Variants in NMT2 observed in about 807,000 individuals in gnomAD.
NMT2 encodes the protein N-myristoyltransferase 2, also known as glycylpeptide N-tetradecanoyltransferase 2.
Under a neutral mutation model 65.4 loss-of-function variants are expected in NMT2, and 35 were observed. That is an observed-to-expected ratio of 0.54 (90% confidence interval 0.41 to 0.71). The LOEUF (loss-of-function observed/expected upper bound fraction) is 0.71. Ranked by LOEUF, NMT2 falls within the 30% of genes least tolerant of loss-of-function variation. The pLI is 0.00. For missense variants in NMT2, 489 were observed against 611.3 expected (o/e 0.80, Z 2.11); for synonymous variants, 226 against 231.8 (o/e 0.98, Z 0.23).
rs1845406960 is a variant in NMT2 at position 15,108,795 on chromosome 10, C to T, written c.*400G>A. 3.9e-6 allele frequency: 4 copies of T among 1,037,786 alleles called. No individual in the cohort carries two copies. Among genetic ancestry groups the T allele is most frequent in the Admixed American group, 6.0e-5 (1 of 16,754 alleles). 64.3% of individuals were successfully genotyped at this position (1,037,786 alleles called of 1,614,324 possible). On this transcript the variant is annotated 3_prime_UTR_variant, in exon 12 of 12. Transcript: ENST00000378165. The stretch of plus-strand genomic sequence containing the variant: ...TGTTACATGGACAAATGTACCATCA[C>T]TTAAGAAACAGAAATGCAGCAATTT...
chr10:15,140,910 C>A (rs531980277), intron 2 of NMT2: 1 of 1,323,688 alleles, frequency 7.6e-7, no homozygotes, highest in South Asian at 1.3e-5. Context: ...ATGTCAGGAA[C>A]TATTTCCCAC....
chr10:15,112,917 G>A lies in NMT2; in HGVS notation c.1217C>T (p.Pro406Leu). The A allele has an allele frequency of 6.2e-7, 1 of 1,614,096 alleles. No individual in the cohort carries two copies. The highest frequency in any genetic ancestry group is 2.2e-5 in the East Asian group (1 of 44,866). The change falls in exon 10 of 12, where the codon CCC becomes CTC. Residue 406 changes from proline (P) to leucine (L), a missense_variant. Transcript: ENST00000378165. ...LTDFLSFYTL[P>L]STVMHHPAHK... ...AGCAGGGTGGTGCATCACCGTGGAG[G>A]GGAGCGTATAGAAGCTCAGGAAATC... is the stretch of plus-strand genomic sequence containing the variant.
At chr10:15,150,839 C>T (rs1054017988) in intron 1 of NMT2, among the ~76,000 whole-genome samples, 9 of 152,114 alleles carry the variant, frequency 5.9e-5, no homozygotes, top group Non-Finnish European at 1.2e-4. Context: ...ACAATACGCC[C>T]GGGAATCAAT....
chr10:15,144,669 T>G (rs1336170736), intron 1 of NMT2, among the ~76,000 whole-genome samples: 5 of 151,776 alleles, frequency 3.3e-5, no homozygotes, highest in Non-Finnish European at 7.4e-5. Flanking sequence ...AAGCGGAGCT[T>G]GCAGTGAGCC....
intron 8 of NMT2, among the ~76,000 whole-genome samples, chr10:15,121,810 T>C (rs2131509011): frequency 6.6e-6 from 1 of 152,356 alleles, no homozygotes; most frequent in South Asian, 2.1e-4. Flanking sequence ...TCTGTATTTA[T>C]ACACCAACAG....
intron 1 of NMT2, among the ~76,000 whole-genome samples, chr10:15,159,834 T>A (rs769353408): frequency 2.0e-5 from 3 of 152,138 alleles, no homozygotes; most frequent in Non-Finnish European, 4.4e-5. Flanking sequence ...GGAACTCACC[T>A]CTAGGAGCCA....
chr10:15,118,185 T>C (rs562013422), intron 9 of NMT2, among the ~76,000 whole-genome samples: 4 of 152,152 alleles, frequency 2.6e-5, no homozygotes, highest in Admixed American at 2.6e-4. Flanking sequence ...ATCAACGAAA[T>C]AGAATATAGA....
chr10:15,151,926 T>C (rs1033002034), intron 1 of NMT2, among the ~76,000 whole-genome samples: 4 of 152,206 alleles, frequency 2.6e-5, no homozygotes, highest in African/African-American at 9.7e-5. Context: ...CTCGGGAGGC[T>C]GAGGCAGGAG....
chr10:15,133,215 G>C, intron 4 of NMT2, 30 bp downstream of exon 4: 1 of 1,601,594 alleles, frequency 6.2e-7, no homozygotes, highest in South Asian at 1.1e-5. Context: ...GAATGCAGGA[G>C]TTGAATTTAA....
intron 5 of NMT2, 22 bp from the exon 6 acceptor site, chr10:15,132,955 A>C (rs754191948): frequency 6.2e-7 from 1 of 1,605,152 alleles, no homozygotes; most frequent in South Asian, 1.1e-5. Flanking sequence ...GTAGACAAGA[A>C]AACAGGCACC....
intron 1 of NMT2, 79 bp downstream of exon 1, chr10:15,168,424 G>A (rs2131656961): frequency 9.4e-7 from 1 of 1,063,878 alleles, no homozygotes; most frequent in Non-Finnish European, 1.4e-6. Flanking sequence ...CCAGTCCTGG[G>A]AGCCACCCCC....
chr10:15,155,435 C>A, intron 1 of NMT2: 1 of 491,548 alleles, frequency 2.0e-6, no homozygotes, highest in Non-Finnish European at 3.7e-6. Context: ...GTGATGCAAT[C>A]ATAGCTCACT....
intron 1 of NMT2, among the ~76,000 whole-genome samples, chr10:15,164,252 T>C (rs1055025970): frequency 1.3e-5 from 2 of 151,526 alleles, no homozygotes; most frequent in East Asian, 1.9e-4. Context: ...AATTTAGTCA[T>C]GTATCTGCCA....
intron 6 of NMT2, among the ~76,000 whole-genome samples, chr10:15,130,723 A>G (rs1312018187): frequency 1.1e-4 from 16 of 147,890 alleles, no homozygotes; most frequent in East Asian, 3.9e-4. Context: ...AAAAAAAAAA[A>G]AAAAGAAAAG....
At chr10:15,157,985 A>T (rs1042264825) in intron 1 of NMT2, among the ~76,000 whole-genome samples, 2 of 152,174 alleles carry the variant, frequency 1.3e-5, no homozygotes, top group African/African-American at 2.4e-5. Context: ...GATAAGCCAC[A>T]ATCTCTTCAT....
At chr10:15,113,011 A>G in intron 9 of NMT2, 48 bp from the exon 10 acceptor site, 1 of 1,548,616 alleles carries the variant, frequency 6.5e-7, no homozygotes, top group Non-Finnish European at 8.9e-7. Context: ...AACCAACTGC[A>G]TACGTGCATT....
At chr10:15,136,186 A>C (rs1846487815) in intron 2 of NMT2, among the ~76,000 whole-genome samples, 1 of 147,254 alleles carries the variant, frequency 6.8e-6, no homozygotes, top group Non-Finnish European at 1.5e-5. Context: ...GCGCCATTGC[A>C]CTCCAGCCTG....
At chr10:15,128,647 A>G (rs1341452398) in intron 7 of NMT2, among the ~76,000 whole-genome samples, 189 bp from the exon 8 acceptor site, 1 of 152,230 alleles carries the variant, frequency 6.6e-6, no homozygotes, top group Non-Finnish European at 1.5e-5. Flanking sequence ...TACTCCAGTT[A>G]TGTTCCTCAG....
intron 1 of NMT2, among the ~76,000 whole-genome samples, chr10:15,149,912 T>A (rs544601117): frequency 6.6e-6 from 1 of 152,326 alleles, no homozygotes; most frequent in East Asian, 1.9e-4. Context: ...GACCATCTTT[T>A]CAGATAATTA....
Sources: gnomAD v4.1 joint callset for allele counts (sites outside exome capture counted in the v4.1 genomes callset) on GRCh38, gnomAD v4.1.1 for gene constraint, MANE v1.5 for transcripts, NCBI Gene and HGNC (gene_info 2026-07-23, HGNC 2026-07-21) for gene names.